PDSS2: variants seen among roughly 807,000 people sequenced by gnomAD.
PDSS2 encodes decaprenyl diphosphate synthase subunit 2, also known as all trans-polyprenyl-diphosphate synthase PDSS2.
A neutral mutation model predicts 44.5 loss-of-function variants in PDSS2; 31 were observed. The observed-to-expected ratio is 0.70, with a 90% CI of 0.52 to 0.94. The LOEUF is 0.94. PDSS2 is among the 40% of genes least tolerant of loss of function. The probability of loss-of-function intolerance (pLI) is 0.00; values close to 1 mark genes in which losing one functional copy is unlikely to be tolerated. For missense variants in PDSS2, 452 were observed against 482.2 expected (o/e 0.94, Z 0.59); for synonymous variants, 157 against 180.3 (o/e 0.87, Z 1.03).
intron 2 of PDSS2, among the ~76,000 whole-genome samples, chr6:107,291,962 T>C (rs1220419332): frequency 3.3e-5 from 5 of 152,128 alleles, no homozygotes; most frequent in Non-Finnish European, 7.4e-5. Flanking sequence ...GACCAGGCCT[T>C]ACTTCCAGCT....
chr6:107,166,366 T>A (rs1232219938), intron 7 of PDSS2, among the ~76,000 whole-genome samples: 4 of 145,686 alleles, frequency 2.7e-5, no homozygotes, highest in African/African-American at 1.0e-4. Context: ...TGAGAGTTTT[T>A]TTTTTTTTTT....
chr6:107,405,871 C>T (rs1045172420), intron 1 of PDSS2, among the ~76,000 whole-genome samples: 2 of 146,974 alleles, frequency 1.4e-5, no homozygotes, highest in African/African-American at 5.0e-5. Flanking sequence ...AAAAAAGATA[C>T]AGAATGGTGG....
chr6:107,458,663 A>T (rs77440144), intron 1 of PDSS2, among the ~76,000 whole-genome samples: 5 of 151,366 alleles, frequency 3.3e-5, no homozygotes, highest in East Asian at 3.9e-4. Flanking sequence ...AAAAAAAAAA[A>T]TTTCTAGGAA....
At chr6:107,308,528 A>G (rs1338150054) in intron 2 of PDSS2, among the ~76,000 whole-genome samples, 2 of 152,220 alleles carry the variant, frequency 1.3e-5, no homozygotes, top group Non-Finnish European at 2.9e-5. Context: ...AGATTTAACA[A>G]GAAAATTATA....
At chr6:107,324,734 T>C (rs143149998) in intron 2 of PDSS2, among the ~76,000 whole-genome samples, 9 of 152,304 alleles carry the variant, frequency 5.9e-5, no homozygotes, top group African/African-American at 2.2e-4. Flanking sequence ...GAATATTACC[T>C]ATTTCATGTT....
rs1045635127 is a variant in PDSS2 at position 107,274,907 on chromosome 6, A to C, written c.432-680T>G. On this transcript the variant is annotated intron_variant, in intron 2 of 7. Coordinates refer to ENST00000369037, the MANE Select transcript of PDSS2 (RefSeq NM_020381.4). ...AGGCTGGTCTTGAACTCCTGAGCTC[A>C]GGTGATCTACCTGCCTCGGACACCC... Among the ~76,000 whole-genome samples the C allele has an allele frequency of 3.9e-5, 6 of 152,286 alleles. No individual in the cohort carries two copies. The South Asian group carries it at 1.2e-3, about 32-fold the overall frequency.
Position 107,323,163 on chromosome 6 carries a change from A to G in PDSS2, c.431+11035T>C, listed in dbSNP as rs564556152. ...TGGACATGGGTGGATTGTGAACCCA[A>G]TGGTGACTGTGGAAATAGCTCTAGT... On this transcript the variant is annotated intron_variant, in intron 2 of 7. Coordinates refer to ENST00000369037, the MANE Select transcript of PDSS2 (RefSeq NM_020381.4). Among the ~76,000 whole-genome samples the G allele has an allele frequency of 9.2e-5, 14 of 152,364 alleles. No homozygotes were observed. In the South Asian group the frequency reaches 2.3e-3, roughly 25 times the overall value.
intron 3 of PDSS2, among the ~76,000 whole-genome samples, chr6:107,262,262 C>T (rs1775266609): frequency 6.6e-6 from 1 of 152,098 alleles, no homozygotes; most frequent in Admixed American, 6.6e-5. Flanking sequence ...CTGTTCACAA[C>T]TCGGTTAATT....
chr6:107,187,690 T>C (rs1206652719), intron 7 of PDSS2, among the ~76,000 whole-genome samples: 1 of 150,438 alleles, frequency 6.6e-6, no homozygotes, highest in Non-Finnish European at 1.5e-5. Flanking sequence ...CCTCTTAAAA[T>C]GACTAATTTG....
chr6:107,393,453 T>TC lies in PDSS2; in HGVS notation c.297-59122_297-59121insG, dbSNP rs1473942154. Among the ~76,000 whole-genome samples the TC allele has an allele frequency of 2.6e-5, 4 of 152,226 alleles. No individual in the cohort carries two copies. The South Asian group carries it at 6.2e-4, about 24-fold the overall frequency. On this transcript the variant is annotated intron_variant, in intron 1 of 7. Coordinates refer to ENST00000369037, the MANE Select transcript of PDSS2 (RefSeq NM_020381.4). ...AATCTAAGTGAAGTTCTATGTGCAC[T>TC]TAAAAAAAAGAATGTTTACTCTGTA... is the stretch of plus-strand genomic sequence containing the variant.
chr6:107,404,330 T>A (rs933308563), intron 1 of PDSS2, among the ~76,000 whole-genome samples: 1 of 152,230 alleles, frequency 6.6e-6, no homozygotes, highest in Non-Finnish European at 1.5e-5. Flanking sequence ...TGTCTTCTTC[T>A]GGGCCCTCCA....
intron 2 of PDSS2, 70 bp from the exon 3 acceptor site, chr6:107,274,297 T>C (rs758628977): frequency 3.2e-6 from 4 of 1,248,048 alleles, no homozygotes; most frequent in Non-Finnish European, 1.2e-6. Context: ...TGATTTCAGT[T>C]TTCAACAATA....
intron 7 of PDSS2, among the ~76,000 whole-genome samples, chr6:107,161,957 G>A (rs373576970): frequency 6.6e-5 from 10 of 152,262 alleles, no homozygotes; most frequent in African/African-American, 2.2e-4. Flanking sequence ...GGGGACAAAA[G>A]CCTGCATTTG....
At chr6:107,300,503 A>C (rs1776658826) in intron 2 of PDSS2, among the ~76,000 whole-genome samples, 1 of 152,116 alleles carries the variant, frequency 6.6e-6, no homozygotes, top group Non-Finnish European at 1.5e-5. Flanking sequence ...ACCTCTAAAC[A>C]CGGGGCTTGT....
chr6:107,267,055 C>T (rs1203623779), intron 3 of PDSS2, among the ~76,000 whole-genome samples: 1 of 152,046 alleles, frequency 6.6e-6, no homozygotes, highest in Non-Finnish European at 1.5e-5. Flanking sequence ...TATACAATAC[C>T]ACCGTTTGAA....
chr6:107,313,464 T>G (rs1323965494), intron 2 of PDSS2, among the ~76,000 whole-genome samples: 1 of 152,158 alleles, frequency 6.6e-6, no homozygotes, highest in Non-Finnish European at 1.5e-5. Context: ...GCAATTCTCC[T>G]GCCTCAGCCT....
At chr6:107,230,418 C>T (rs988995747) in intron 4 of PDSS2, among the ~76,000 whole-genome samples, 1 of 152,124 alleles carries the variant, frequency 6.6e-6, no homozygotes, top group Non-Finnish European at 1.5e-5. Context: ...GCTCCCTAAT[C>T]TCACGCTTGG....
intron 6 of PDSS2, among the ~76,000 whole-genome samples, chr6:107,204,702 T>G (rs1772913162): frequency 6.6e-6 from 1 of 152,208 alleles, no homozygotes; most frequent in South Asian, 2.1e-4. Context: ...TCTTGACTTT[T>G]CCAACTGAAC....
chr6:107,307,397 C>T (rs1776894741), intron 2 of PDSS2, among the ~76,000 whole-genome samples: 1 of 152,148 alleles, frequency 6.6e-6, no homozygotes, highest in Admixed American at 6.5e-5. Flanking sequence ...TTCAAATCAG[C>T]GTACTTGATT....
Sources: gnomAD v4.1 joint callset for allele counts (sites outside exome capture counted in the v4.1 genomes callset) on GRCh38, gnomAD v4.1.1 for gene constraint, MANE v1.5 for transcripts, NCBI Gene and HGNC (gene_info 2026-07-23, HGNC 2026-07-21) for gene names.